The following ICAM3 variants were observed in gnomAD, a reference collection of about 807,000 sequenced individuals.
ICAM3 encodes intercellular adhesion molecule 3.
Under a neutral mutation model 43.6 loss-of-function variants are expected in ICAM3, and 54 were observed. That is an observed-to-expected ratio of 1.24 (90% CI 0.99 to 1.55). The LOEUF (loss-of-function observed/expected upper bound fraction) is 1.55. Ranked by LOEUF, ICAM3 falls within the 40% of genes most tolerant of loss-of-function variation. ICAM3 has a pLI of 0.00. For missense variants in ICAM3, 715 were observed against 717.9 expected (o/e 1.00, Z 0.05); for synonymous variants, 306 against 312.6 (o/e 0.98, Z 0.22).
In ICAM3 at chr19:10,335,745, G is replaced by GT. The variant is rs758338376; in HGVS notation, c.574dup (p.Thr192AsnfsTer122). On this transcript the variant is annotated frameshift_variant, in exon 3 of 7. Transcript: ENST00000160262. LOFTEE classifies it high-confidence loss of function. The stretch of plus-strand genomic sequence containing the variant: ...CCCCTGGGGCTGCATGTCCAGTTCT[G>GT]TGCGGCATGAGAAAGGGGCTCCGTG... 5.0e-6 allele frequency: 8 copies of GT among 1,612,010 alleles called. No individual in the cohort carries two copies. The South Asian group carries it at 8.8e-5, about 18-fold the overall frequency.
rs2040595330 is a variant in ICAM3 at position 10,335,973 on chromosome 19, A to G, written c.347T>C (p.Leu116Pro). 1.9e-6 allele frequency: 3 copies of G among 1,550,610 alleles called. No homozygotes were observed. The highest frequency in any genetic ancestry group is 1.7e-6 in the Non-Finnish European group (2 of 1,152,728). The change falls in exon 3 of 7, where the codon CTC becomes CCC. Residue 116 changes from leucine to proline, a missense_variant. Leu to Pro is a moderately conservative substitution (Grantham distance 98, BLOSUM62 -3). Transcript: ENST00000160262. ...GGGTGCCAGCTCCACACGCTCCGGG[A>G]GCCCTGAGAGAGGAGGGGAGGATGG... ...TGSSNITVYR[L>P]PERVELAPLP...
At chr19:10,336,879 G>A (rs1258877978) in intron 2 of ICAM3, among the ~76,000 whole-genome samples, 1 of 151,522 alleles carries the variant, frequency 6.6e-6, no homozygotes, top group Non-Finnish European at 1.5e-5. Context: ...GGAGGCCGAG[G>A]GAGGCGGATC....
chr19:10,334,374 C>T lies in ICAM3; in HGVS notation c.1227G>A (p.Gln409=). ...GPKIDRATCP[Q]HLKWKDKTRH... is the part of the protein sequence containing the mutation. ...TCGTTTTATCTTTCCATTTCAAGTG[C>T]TGGGGGCATGTGGCTCGGTCAATTT... The change falls in exon 6 of 7, where the codon CAG becomes CAA. Residue 409 remains glutamine (Q), a synonymous_variant. Transcript: ENST00000160262. The surrounding 1 kb of genome is among the most constrained non-coding windows in gnomAD (Gnocchi z 5.5). 6.2e-7 allele frequency: 1 copy of T among 1,614,152 alleles called. No homozygotes were observed. Among genetic ancestry groups the T allele is most frequent in the Non-Finnish European group, 8.5e-7 (1 of 1,180,026 alleles).
chr19:10,337,977 G>A lies in ICAM3; in HGVS notation c.343+705C>T, dbSNP rs186415008. Reference sequence around the variant, plus strand: ...GAGGCTGATGTGGGCGGAACACCCCGTCTCTACTAAAAATACAAAACTTAG... The same window carrying A: ...GAGGCTGATGTGGGCGGAACACCCCATCTCTACTAAAAATACAAAACTTAG... On this transcript the variant is annotated intron_variant, in intron 2 of 6. Transcript: ENST00000160262. Among the ~76,000 whole-genome samples the A allele has an allele frequency of 4.0e-3, 605 of 150,572 alleles. 3 individuals are homozygous for A. The highest frequency in any genetic ancestry group is 0.014 in the African/African-American group (583 of 40,938).
intron 1 of ICAM3, chr19:10,339,155 T>A: frequency 1.6e-6 from 1 of 617,140 alleles, no homozygotes; most frequent in East Asian, 2.8e-5. Context: ...TAGGAGGAGG[T>A]GAGTCAGGGA....
Position 10,335,926 on chromosome 19 carries a change from C to A in ICAM3, c.394G>T (p.Gly132Cys). Residue 132 changes from glycine to cysteine, a missense_variant, in exon 3 of 7, where the codon GGC (glycine) becomes TGC (cysteine). Gly to Cys is a radical substitution (Grantham distance 159). Coordinates refer to ENST00000160262, the MANE Select transcript of ICAM3 (RefSeq NM_002162.5). ...TGGCAGCGCAGGGTGAAGTTCTGGCCCACCGGCTGCCAAGGAGGCAGGGGT... is the reference window on the plus strand; with the variant it reads ...TGGCAGCGCAGGGTGAAGTTCTGGCACACCGGCTGCCAAGGAGGCAGGGGT... ...LAPLPPWQPV[G>C]QNFTLRCQVE... 6.3e-7 allele frequency: 1 copy of A among 1,583,562 alleles called. No homozygotes were observed. The highest frequency in any genetic ancestry group is 8.5e-7 in the Non-Finnish European group (1 of 1,170,168).
At position 10,334,949 on chromosome 19, in the gene ICAM3, C is replaced by A. The variant is rs879610668; in HGVS notation, c.937+117G>T. On this transcript the variant is annotated intron_variant, in intron 4 of 6. Transcript: ENST00000160262. This position sits in a 1 kb window ranked among gnomAD's most constrained non-coding sequence, Gnocchi z 5.5. ...TCCAGCTTCGGGCACTCAGGCCCAA[C>A]CCACGTTGCAACTGCTATTGGGGCA... 7.5e-6 allele frequency: 11 copies of A among 1,474,020 alleles called. No individual in the cohort carries two copies. The highest frequency in any genetic ancestry group is 9.2e-6 in the Non-Finnish European group (10 of 1,092,488). 91.3% of individuals were successfully genotyped at this position (1,474,020 alleles called of 1,614,324 possible). A position where few individuals can be genotyped will look rare whatever the true frequency, so the allele number is the denominator to read the frequency against.
chr19:10,334,720 C>G lies in ICAM3; in HGVS notation c.1000G>C (p.Val334Leu), dbSNP rs573451980. 2.5e-6 allele frequency: 4 copies of G among 1,613,192 alleles called. No individual in the cohort carries two copies. The highest frequency in any genetic ancestry group is 2.5e-6 in the Non-Finnish European group (3 of 1,179,920). ...PTAHEGSTVT[V>L]SCMAGARVQV... is the part of the protein sequence containing the mutation. ...ACTCGAGCCCCAGCCATGCAACTCA[C>G]GGTCACTGTGGACCCCTCATGGGCG... The change falls in exon 5 of 7, where the codon GTG becomes CTG. Residue 334 changes from valine (V) to leucine (L), a missense_variant. Transcript: ENST00000160262. The surrounding 1 kb of genome is among the most constrained non-coding windows in gnomAD (Gnocchi z 5.5).
At chr19:10,336,224 TAA>T (rs74312588) in intron 2 of ICAM3, 1 of 461,052 alleles carries the variant, frequency 2.2e-6, no homozygotes, top group Non-Finnish European at 3.9e-6. Context: ...GATGGCACAA[TAA>T]AAAAAAATGA....
At chr19:10,338,980 T>A in intron 1 of ICAM3, 32 bp from the exon 2 acceptor site, 2 of 1,606,646 alleles carry the variant, frequency 1.2e-6, no homozygotes, top group Non-Finnish European at 1.7e-6. Flanking sequence ...CTGGTGTTTG[T>A]TTCCTTGTCC....
chr19:10,334,592 A>G lies in ICAM3; in HGVS notation c.1128T>C (p.Ser376=), dbSNP rs1485267322. 3.7e-6 allele frequency: 6 copies of G among 1,613,766 alleles called. No homozygotes were observed. The highest frequency in any genetic ancestry group is 1.7e-5 in the Admixed American group (1 of 60,010). The part of the protein sequence containing the change: ...ESDDGRSFFC[S]ATLEVDGEFL... ...ACTCGCCGTCCACCTCGAGAGTGGC[A>G]CTGCAGAAGAAGCTGCGTCCGTCGT... is the stretch of plus-strand genomic sequence containing the variant. The change falls in exon 5 of 7, where the codon AGT becomes AGC. Residue 376 remains serine (S), a synonymous_variant. Coordinates refer to ENST00000160262, the MANE Select transcript of ICAM3 (RefSeq NM_002162.5). The surrounding 1 kb of genome is among the most constrained non-coding windows in gnomAD (Gnocchi z 5.5).
chr19:10,335,437 G>C, intron 3 of ICAM3, 84 bp from the exon 4 acceptor site: 1 of 1,307,154 alleles, frequency 7.7e-7, no homozygotes, highest in Non-Finnish European at 1.0e-6. Context: ...AGGATATCTT[G>C]CTGACTGGGT....
chr19:10,334,231 TTA>T lies in ICAM3; in HGVS notation c.1368_1369del (p.His456GlnfsTer24). ...GGACGCTTGGCACTGATAAGTACCA[TTA>T]TGTGTTACGTTGACGAAGAACGGGA... is the stretch of plus-strand genomic sequence containing the variant. On this transcript the variant is annotated frameshift_variant, in exon 6 of 7. Transcript: ENST00000160262. LOFTEE classifies it high-confidence loss of function. This position sits in a 1 kb window ranked among gnomAD's most constrained non-coding sequence, Gnocchi z 5.5. 1 of 1,613,706 alleles carries T rather than the reference TTA, an allele frequency of 6.2e-7. No individual in the cohort carries two copies. Among genetic ancestry groups the T allele is most frequent in the Middle Eastern group, 1.7e-4 (1 of 6,060 alleles).
In ICAM3 at chr19:10,334,900, G is replaced by A. The variant is rs919486846; in HGVS notation, c.938-118C>T. 32 of 1,457,136 alleles carry A rather than the reference G, an allele frequency of 2.2e-5. No individual in the cohort carries two copies. The highest frequency in any genetic ancestry group is 1.2e-4 in the Admixed American group (5 of 43,040). 90.3% of individuals were successfully genotyped at this position (1,457,136 alleles called of 1,614,324 possible). A position where few individuals can be genotyped will look rare whatever the true frequency, so the allele number is the denominator to read the frequency against. ...CCGGGCCACGCTTTCGGCCGTTCAA[G>A]CCTCGCCCTCTTTCCGCGCTGTGTC... On this transcript the variant is annotated intron_variant, in intron 4 of 6. Transcript: ENST00000160262. The surrounding 1 kb of genome is among the most constrained non-coding windows in gnomAD (Gnocchi z 5.5).
In ICAM3 at chr19:10,334,722, G is replaced by A. The variant is rs1357495172; in HGVS notation, c.998C>T (p.Thr333Ile). 6.2e-7 allele frequency: 1 copy of A among 1,613,220 alleles called. No homozygotes were observed. Among genetic ancestry groups the A allele is most frequent in the Non-Finnish European group, 8.5e-7 (1 of 1,179,942 alleles). ...TCGAGCCCCAGCCATGCAACTCACG[G>A]TCACTGTGGACCCCTCATGGGCGGT... ...EPTAHEGSTV[T>I]VSCMAGARVQ... is the part of the protein sequence containing the mutation. Residue 333 changes from threonine (T) to isoleucine (I), a missense_variant, in exon 5 of 7, where the codon ACC becomes ATC. Thr to Ile is a moderately conservative substitution (Grantham distance 89, BLOSUM62 -1). Coordinates refer to ENST00000160262, the MANE Select transcript of ICAM3 (RefSeq NM_002162.5). The surrounding 1 kb of genome is among the most constrained non-coding windows in gnomAD (Gnocchi z 5.5).
At position 10,334,299 on chromosome 19, in the gene ICAM3, C is replaced by T; in HGVS notation, c.1302G>A (p.Arg434=). The T allele has an allele frequency of 6.2e-7, 1 of 1,614,220 alleles. No homozygotes were observed. Among genetic ancestry groups the T allele is most frequent in the Non-Finnish European group, 8.5e-7 (1 of 1,180,036 alleles). Residue 434 remains arginine, a synonymous_variant, in exon 6 of 7, where the codon CGG becomes CGA. Transcript: ENST00000160262. This position sits in a 1 kb window ranked among gnomAD's most constrained non-coding sequence, Gnocchi z 5.5. The stretch of plus-strand genomic sequence containing the variant: ...CCCGGCTGGAGCCTTCCTTCAAACA[C>T]CGCAGCTCGGGGTACGGGTTGCCCC... ...QARGNPYPEL[R]CLKEGSSREV...
intron 2 of ICAM3, among the ~76,000 whole-genome samples, chr19:10,336,885 G>A (rs1004227720): frequency 2.7e-5 from 4 of 150,414 alleles, no homozygotes; most frequent in African/African-American, 7.3e-5. Flanking sequence ...CGAGGGAGGC[G>A]GATCACTTGA....
At position 10,334,950 on chromosome 19, in the gene ICAM3, C is replaced by T; in HGVS notation, c.937+116G>A. 2 of 1,475,088 alleles carry T rather than the reference C, an allele frequency of 1.4e-6. No homozygotes were observed. Among genetic ancestry groups the T allele is most frequent in the Non-Finnish European group, 1.8e-6 (2 of 1,093,386 alleles). 91.4% of individuals were successfully genotyped at this position (1,475,088 alleles called of 1,614,324 possible). A position where few individuals can be genotyped will look rare whatever the true frequency, so the allele number is the denominator to read the frequency against. On this transcript the variant is annotated intron_variant, in intron 4 of 6. Coordinates refer to ENST00000160262, the MANE Select transcript of ICAM3 (RefSeq NM_002162.5). This position sits in a 1 kb window ranked among gnomAD's most constrained non-coding sequence, Gnocchi z 5.5. Reference sequence around the variant, plus strand: ...CCAGCTTCGGGCACTCAGGCCCAACCCACGTTGCAACTGCTATTGGGGCAA... The same window carrying T: ...CCAGCTTCGGGCACTCAGGCCCAACTCACGTTGCAACTGCTATTGGGGCAA...
Position 10,335,771 on chromosome 19 carries a change from G to T in ICAM3, c.549C>A (p.Asp183Glu). The change falls in exon 3 of 7, where the codon GAC (aspartate) becomes GAA (glutamate). Residue 183 changes from aspartate to glutamate, a missense_variant. Physicochemically the swap from Asp to Glu is conservative, Grantham distance 45. Transcript: ENST00000160262. ...TGCGGCATGAGAAAGGGGCTCCGTG[G>T]TCGTCTCTGCTGGCCAGCACAGTGG... Reference protein sequence around the residue: ...VTATVLASRDDHGAPFSCRTE... With the variant: ...VTATVLASRDEHGAPFSCRTE... 6.2e-7 allele frequency: 1 copy of T among 1,612,636 alleles called. No individual in the cohort carries two copies. Among genetic ancestry groups the T allele is most frequent in the East Asian group, 2.2e-5 (1 of 44,856 alleles).
Sources: allele counts gnomAD v4.1 joint callset (sites outside exome capture counted in the v4.1 genomes callset), GRCh38; gene constraint gnomAD v4.1.1; non-coding constraint Gnocchi (gnomAD v3.1); transcripts MANE v1.5; gene names NCBI Gene and HGNC (gene_info 2026-07-23, HGNC 2026-07-21).